Variants in SPOPL observed in about 807,000 individuals in gnomAD.
The protein encoded by SPOPL is speckle type BTB/POZ protein like.
SPOPL carries 23 observed loss-of-function variants against 53.8 expected under a neutral mutation model. The observed-to-expected ratio is 0.43, with a 90% confidence interval of 0.31 to 0.61. SPOPL has a LOEUF of 0.61. Among genes scored for constraint, SPOPL ranks in the 20% least tolerant of loss-of-function variants. The pLI, the probability that SPOPL is intolerant of heterozygous loss-of-function variation, is 0.12. For missense variants in SPOPL, 442 were observed against 466.9 expected, an observed-to-expected ratio of 0.95 and a Z score of 0.49; for synonymous variants, 164 against 149.7, an observed-to-expected ratio of 1.10 and a Z score of -0.70.
intron 1 of SPOPL, among the ~76,000 whole-genome samples, chr2:138,542,244 A>C (rs983152672): frequency 3.3e-5 from 5 of 152,192 alleles, no homozygotes; most frequent in Non-Finnish European, 5.9e-5. Context: ...GTAGATGTCT[A>C]TTAGGTCTGC....
At chr2:138,543,969 C>T (rs1213850002) in intron 1 of SPOPL, among the ~76,000 whole-genome samples, 1 of 152,214 alleles carries the variant, frequency 6.6e-6, no homozygotes, top group Non-Finnish European at 1.5e-5. Flanking sequence ...CCCTCAGCTG[C>T]AGGTCTGTTG....
chr2:138,557,669 A>G (rs918369697), intron 5 of SPOPL, among the ~76,000 whole-genome samples: 1 of 152,234 alleles, frequency 6.6e-6, no homozygotes, highest in African/African-American at 2.4e-5. Context: ...TGTGTAACAA[A>G]TGATCCCAAA....
intron 1 of SPOPL, among the ~76,000 whole-genome samples, chr2:138,519,570 G>T (rs918717237): frequency 2.0e-5 from 3 of 152,154 alleles, no homozygotes; most frequent in Admixed American, 6.5e-5. Flanking sequence ...AAGTTTAGGT[G>T]GGAGGATCAC....
At chr2:138,529,021 G>C (rs1558867253) in intron 1 of SPOPL, among the ~76,000 whole-genome samples, 1 of 152,188 alleles carries the variant, frequency 6.6e-6, no homozygotes. Flanking sequence ...TCAGGAAAAT[G>C]TTATTTATAC....
intron 1 of SPOPL, among the ~76,000 whole-genome samples, chr2:138,548,164 T>C (rs940566754): frequency 5.3e-5 from 8 of 151,884 alleles, no homozygotes; most frequent in African/African-American, 1.7e-4. Flanking sequence ...CGGTTTAAAA[T>C]AATCTTGGAC....
chr2:138,567,640 G>A (rs1685692279), intron 10 of SPOPL, among the ~76,000 whole-genome samples: 1 of 152,146 alleles, frequency 6.6e-6, no homozygotes, highest in Non-Finnish European at 1.5e-5. Flanking sequence ...TTGTGGGGAG[G>A]TTGCGGTGGC....
intron 5 of SPOPL, among the ~76,000 whole-genome samples, chr2:138,557,135 G>A (rs6735407): frequency 0.12 from 18,291 of 151,808 alleles, 1,395 homozygotes; most frequent in East Asian, 0.26. Context: ...CAGCCTGGGC[G>A]ACAGAGCAAG....
intron 1 of SPOPL, among the ~76,000 whole-genome samples, chr2:138,526,934 C>A (rs559857551): frequency 2.6e-5 from 4 of 152,188 alleles, no homozygotes; most frequent in African/African-American, 9.6e-5. Context: ...CCATGTTGGC[C>A]AGGCTGATCT....
intron 7 of SPOPL, 135 bp downstream of exon 7, chr2:138,559,472 A>T (rs1380578735): frequency 3.6e-6 from 3 of 831,076 alleles, no homozygotes; most frequent in Non-Finnish European, 5.6e-6. Flanking sequence ...ACAGGAAAAA[A>T]ATGTGTTCTA....
intron 1 of SPOPL, among the ~76,000 whole-genome samples, chr2:138,517,287 T>C (rs1684459170): frequency 6.6e-6 from 1 of 152,184 alleles, no homozygotes; most frequent in Non-Finnish European, 1.5e-5. Context: ...GTGGAATCGA[T>C]GCATATCTTT....
intron 1 of SPOPL, among the ~76,000 whole-genome samples, chr2:138,542,559 C>G (rs1685096612): frequency 6.6e-6 from 1 of 151,868 alleles, no homozygotes; most frequent in Non-Finnish European, 1.5e-5. Context: ...GATTGCAATC[C>G]CTGCCTTTTT....
chr2:138,556,655 T>C (rs1318871027), intron 5 of SPOPL, among the ~76,000 whole-genome samples: 2 of 152,190 alleles, frequency 1.3e-5, no homozygotes, highest in Admixed American at 6.5e-5. Context: ...TTTATAGTTA[T>C]TAAAATTTTA....
rs749107922 is a variant in SPOPL at position 138,571,286 on chromosome 2, A to G, written c.*2206A>G. The G allele has an allele frequency of 6.6e-6, 1 of 152,550 alleles. No homozygotes were observed. The highest frequency in any genetic ancestry group is 6.6e-5 in the Admixed American group (1 of 15,258). 9.4% of individuals were successfully genotyped at this position (152,550 alleles called of 1,614,324 possible). On this transcript the variant is annotated 3_prime_UTR_variant, in exon 11 of 11. Coordinates refer to ENST00000280098, the MANE Select transcript of SPOPL (RefSeq NM_001001664.3). ...GTGATTTAATTCACCGCTTGAATCT[A>G]TATTTCTAACCACAGTGACTTCAGT...
At chr2:138,529,895 GT>G (rs1684769502) in intron 1 of SPOPL, among the ~76,000 whole-genome samples, 1 of 152,118 alleles carries the variant, frequency 6.6e-6, no homozygotes, top group African/African-American at 2.4e-5. Flanking sequence ...AGGGTTTGTT[GT>G]ACAGATTATT....
intron 1 of SPOPL, among the ~76,000 whole-genome samples, chr2:138,532,420 CTTTTTTTT>C (rs769229731): frequency 3.8e-5 from 2 of 53,222 alleles, no homozygotes; most frequent in Non-Finnish European, 6.7e-5. Context: ...TTTTTGTTCG[CTTTTTTTT>C]TTTTTTTTTT....
At chr2:138,532,124 G>T (rs1684822147) in intron 1 of SPOPL, among the ~76,000 whole-genome samples, 1 of 152,166 alleles carries the variant, frequency 6.6e-6, no homozygotes, top group Non-Finnish European at 1.5e-5. Flanking sequence ...TGTCTTGTTT[G>T]CAGTATAAGA....
Position 138,550,139 on chromosome 2 carries a change from A to G in SPOPL, c.-60-18A>G. 11 of 1,364,440 alleles carry G rather than the reference A, an allele frequency of 8.1e-6. No homozygotes were observed. The highest frequency in any genetic ancestry group is 1.8e-5 in the Admixed American group (1 of 55,898). The allele number at this position is 1,364,440 out of a possible 1,614,324, so 84.5% of individuals were successfully genotyped here. A position where few individuals can be genotyped will look rare whatever the true frequency, so the allele number is the denominator to read the frequency against. On this transcript the variant is annotated intron_variant, in intron 1 of 10. Coordinates refer to ENST00000280098, the MANE Select transcript of SPOPL (RefSeq NM_001001664.3). ...TTTAAACTTTTTAATCAGTACATCAAACTTCTTTCCTTTGTAGGTAAGGTA... is the reference window on the plus strand; with the variant it reads ...TTTAAACTTTTTAATCAGTACATCAGACTTCTTTCCTTTGTAGGTAAGGTA...
rs1408643834 is a variant in SPOPL, at chr2:138,572,488, G to A, written c.*3408G>A. 1 of 152,244 alleles carries A rather than the reference G, an allele frequency of 6.6e-6. No individual in the cohort carries two copies. The highest frequency in any genetic ancestry group is 1.5e-5 in the Non-Finnish European group (1 of 67,986). 9.4% of individuals were successfully genotyped at this position (152,244 alleles called of 1,614,324 possible). On this transcript the variant is annotated 3_prime_UTR_variant, in exon 11 of 11. Coordinates refer to ENST00000280098, the MANE Select transcript of SPOPL (RefSeq NM_001001664.3). ...ACCCAGTGTTACTAAAATAGAACAG[G>A]GATTGTGAAAATCCAGCTCAACATA...
chr2:138,514,253 C>T (rs895543356), intron 1 of SPOPL, among the ~76,000 whole-genome samples: 5 of 152,160 alleles, frequency 3.3e-5, no homozygotes, highest in Non-Finnish European at 5.9e-5. Flanking sequence ...CATGAGACAT[C>T]AATCAACATA....
Sources: gnomAD v4.1 joint callset for allele counts (sites outside exome capture counted in the v4.1 genomes callset) on GRCh38, gnomAD v4.1.1 for gene constraint, MANE v1.5 for transcripts, NCBI Gene and HGNC (gene_info 2026-07-23, HGNC 2026-07-21) for gene names.